The following CWC27 variants were observed in gnomAD, a reference collection of about 807,000 sequenced individuals.
CWC27 encodes the protein spliceosome-associated protein CWC27 homolog.
In CWC27, 47 loss-of-function variants were observed where a neutral mutation model predicts 63.6. The observed-to-expected ratio is 0.74, with a 90% CI of 0.58 to 0.94. The LOEUF is 0.94. Among genes scored for constraint, CWC27 ranks in the 40% least tolerant of loss-of-function variants. The pLI, the probability that CWC27 is intolerant of heterozygous loss-of-function variation, is 0.00. For synonymous variants in CWC27, 175 were observed against 179.8 expected (o/e 0.97, Z 0.22); for missense variants, 495 against 554.3 (o/e 0.89, Z 1.07).
intron 13 of CWC27, among the ~76,000 whole-genome samples, chr5:64,992,225 C>A (rs557882798): frequency 1.6e-4 from 24 of 152,276 alleles, no homozygotes; most frequent in Admixed American, 3.9e-4. Context: ...CTCACAGATC[C>A]TTCAGATAAT....
intron 11 of CWC27, among the ~76,000 whole-genome samples, chr5:64,968,781 CA>C (rs1749069077): frequency 6.6e-6 from 1 of 152,174 alleles, no homozygotes; most frequent in African/African-American, 2.4e-5. Flanking sequence ...ATGCTCTATA[CA>C]ATACCAAAAG....
intron 10 of CWC27, among the ~76,000 whole-genome samples, chr5:64,820,415 T>C (rs566025070): frequency 1.3e-5 from 2 of 150,748 alleles, no homozygotes; most frequent in Admixed American, 6.6e-5. Flanking sequence ...TTGTTGTTGT[T>C]ATATTTTCAT....
intron 11 of CWC27, among the ~76,000 whole-genome samples, chr5:64,963,007 A>C (rs1748946056): frequency 6.6e-6 from 1 of 152,094 alleles, no homozygotes; most frequent in South Asian, 2.1e-4. Context: ...CCCAGGCTGG[A>C]GTGCAGGCAC....
At chr5:64,909,967 A>G (rs148378233) in intron 11 of CWC27, among the ~76,000 whole-genome samples, 8,915 of 152,090 alleles carry the variant, frequency 0.059, 766 homozygotes, top group African/African-American at 0.19. Context: ...GCTTTGTTCC[A>G]TTGCTGGCAA....
intron 11 of CWC27, among the ~76,000 whole-genome samples, chr5:64,952,521 G>A (rs995126052): frequency 6.6e-6 from 1 of 151,984 alleles, no homozygotes; most frequent in Non-Finnish European, 1.5e-5. Flanking sequence ...AGATTTAAGA[G>A]AAAGCATGGG....
rs576820747 is a variant in CWC27 at position 64,920,854 on chromosome 5, T to C, written c.1042+35308T>C. 2.0e-5 allele frequency among the ~76,000 whole-genome samples: 3 copies of C among 152,276 alleles called. No individual in the cohort carries two copies. The South Asian group carries it at 6.2e-4, about 32-fold the overall frequency. ...TTGGATCTTCTCTCTTTTTTTTCTT[T>C]GTTAATCTACCTAGGGGTCTATCAA... is the stretch of plus-strand genomic sequence containing the variant. On this transcript the variant is annotated intron_variant, in intron 11 of 13. Transcript: ENST00000381070.
intron 9 of CWC27, among the ~76,000 whole-genome samples, chr5:64,803,307 C>G (rs2112212121): frequency 1.3e-5 from 2 of 152,286 alleles, no homozygotes; most frequent in South Asian, 4.1e-4. Context: ...TCTCTCCCCT[C>G]TTTCTTCCCT....
chr5:64,847,293 G>A (rs1321140471), intron 10 of CWC27, among the ~76,000 whole-genome samples: 2 of 151,932 alleles, frequency 1.3e-5, no homozygotes, highest in Non-Finnish European at 2.9e-5. Flanking sequence ...ATGAGACAAA[G>A]GACATTACAC....
chr5:64,800,878 T>TA (rs1744463653), intron 8 of CWC27, among the ~76,000 whole-genome samples: 1 of 152,170 alleles, frequency 6.6e-6, no homozygotes, highest in Admixed American at 6.5e-5. Flanking sequence ...CAAGGGGCAC[T>TA]ACAATGCTGT....
chr5:64,898,335 A>C (rs1747427078), intron 11 of CWC27, among the ~76,000 whole-genome samples: 1 of 152,186 alleles, frequency 6.6e-6, no homozygotes, highest in Non-Finnish European at 1.5e-5. Flanking sequence ...AAAAATACAA[A>C]ACGCAGGCAA....
chr5:64,772,228 G>A (rs1457853089), intron 1 of CWC27, among the ~76,000 whole-genome samples: 1 of 152,188 alleles, frequency 6.6e-6, no homozygotes, highest in East Asian at 1.9e-4. Context: ...AAACCAGTGA[G>A]TGCATACTTC....
chr5:64,833,621 G>A (rs541218577), intron 10 of CWC27, among the ~76,000 whole-genome samples: 3 of 151,646 alleles, frequency 2.0e-5, no homozygotes, highest in South Asian at 4.1e-4. Flanking sequence ...TTCAGTTTAT[G>A]TATTCTTTGC....
chr5:64,879,559 A>G (rs927615132), intron 10 of CWC27, among the ~76,000 whole-genome samples: 1 of 151,888 alleles, frequency 6.6e-6, no homozygotes, highest in Admixed American at 6.6e-5. Context: ...CACTCATGAC[A>G]CTATTTCTGA....
At chr5:64,995,278 G>T (rs1360971954) in intron 13 of CWC27, among the ~76,000 whole-genome samples, 1 of 151,938 alleles carries the variant, frequency 6.6e-6, no homozygotes, top group Non-Finnish European at 1.5e-5. Flanking sequence ...GGCCTATGAA[G>T]AATATTATTT....
At chr5:64,919,254 T>C (rs1399132999) in intron 11 of CWC27, among the ~76,000 whole-genome samples, 1 of 152,246 alleles carries the variant, frequency 6.6e-6, no homozygotes, top group Non-Finnish European at 1.5e-5. Flanking sequence ...TCACCATAAA[T>C]ACTGGCCAGA....
chr5:64,821,905 G>A (rs1561422410), intron 10 of CWC27, among the ~76,000 whole-genome samples: 1 of 152,188 alleles, frequency 6.6e-6, no homozygotes, highest in African/African-American at 2.4e-5. Flanking sequence ...GAAAGTAGGT[G>A]CAAGGGGATA....
At chr5:64,785,722 C>T in intron 5 of CWC27, 143 bp downstream of exon 5, 1 of 499,794 alleles carries the variant, frequency 2.0e-6, no homozygotes, top group Non-Finnish European at 3.5e-6. Flanking sequence ...TATTTGGGCA[C>T]CGTTTCTAGT....
At chr5:64,799,923 T>A (rs1580614056) in intron 7 of CWC27, among the ~76,000 whole-genome samples, 1 of 152,076 alleles carries the variant, frequency 6.6e-6, no homozygotes, top group Non-Finnish European at 1.5e-5. Context: ...ATGTAGCTTC[T>A]AAGTTATAGG....
intron 11 of CWC27, among the ~76,000 whole-genome samples, chr5:64,927,996 A>G (rs1477926270): frequency 6.6e-6 from 1 of 152,138 alleles, no homozygotes; most frequent in Admixed American, 6.5e-5. Context: ...TTTTACTAAA[A>G]ATACAAAATT....
Sources: allele counts gnomAD v4.1 joint callset (sites outside exome capture counted in the v4.1 genomes callset), GRCh38; gene constraint gnomAD v4.1.1; transcripts MANE v1.5; gene names NCBI Gene and HGNC (gene_info 2026-07-23, HGNC 2026-07-21).